RPH3A: variants seen among roughly 807,000 people sequenced by gnomAD.
RPH3A encodes the protein rabphilin-3A.
In RPH3A, 48 loss-of-function variants were observed where a neutral mutation model predicts 102.2. The ratio of observed to expected loss-of-function variants is 0.47; its 90% CI spans 0.37 to 0.60. The LOEUF is 0.60. RPH3A is among the 20% of genes least tolerant of loss of function. The pLI is 0.00. For missense variants in RPH3A, 781 were observed against 910.1 expected (o/e 0.86, Z 1.83); for synonymous variants, 310 against 324.3 (o/e 0.96, Z 0.47).
chr12:112,827,767 A>C (rs2041903628), intron 2 of RPH3A, among the ~76,000 whole-genome samples: 1 of 152,022 alleles, frequency 6.6e-6, no homozygotes, highest in Non-Finnish European at 1.5e-5. Flanking sequence ...GGGCCAGGGG[A>C]GGGAGAGCAT....
intron 1 of RPH3A, among the ~76,000 whole-genome samples, chr12:112,660,018 G>C (rs1476513154): frequency 6.6e-6 from 1 of 151,972 alleles, no homozygotes; most frequent in Non-Finnish European, 1.5e-5. Flanking sequence ...TCAATATTGG[G>C]GTATTGCTTT....
chr12:112,806,602 C>T (rs1325640642), intron 2 of RPH3A, among the ~76,000 whole-genome samples: 1 of 151,632 alleles, frequency 6.6e-6, no homozygotes, highest in African/African-American at 2.4e-5. Flanking sequence ...GCACTCCAGC[C>T]TGGGTGACAG....
intron 1 of RPH3A, among the ~76,000 whole-genome samples, chr12:112,755,966 G>T (rs1334524529): frequency 6.6e-6 from 1 of 152,088 alleles, no homozygotes; most frequent in East Asian, 1.9e-4. Flanking sequence ...GTGGTACATG[G>T]GGTAGAGAGT....
intron 1 of RPH3A, among the ~76,000 whole-genome samples, chr12:112,710,963 C>T (rs1035084396): frequency 1.3e-5 from 2 of 152,076 alleles, no homozygotes; most frequent in Non-Finnish European, 2.9e-5. Context: ...ATTCAGTAGG[C>T]ACTTCAGAGA....
intron 4 of RPH3A, among the ~76,000 whole-genome samples, chr12:112,839,350 C>T (rs112011699): frequency 5.9e-5 from 9 of 151,796 alleles, no homozygotes; most frequent in Non-Finnish European, 1.3e-4. Flanking sequence ...TATCAACTTT[C>T]GCTGTGTAAC....
intron 1 of RPH3A, among the ~76,000 whole-genome samples, chr12:112,769,181 A>G (rs2136071391): frequency 6.6e-6 from 1 of 152,294 alleles, no homozygotes; most frequent in East Asian, 1.9e-4. Flanking sequence ...ACTTTCTGAG[A>G]CTTTCAATCT....
At chr12:112,581,381 T>C (rs1349213095) in intron 1 of RPH3A, among the ~76,000 whole-genome samples, 1 of 152,196 alleles carries the variant, frequency 6.6e-6, no homozygotes, top group Non-Finnish European at 1.5e-5. Flanking sequence ...CCTGCCCCCA[T>C]GATTCAATTA....
intron 1 of RPH3A, among the ~76,000 whole-genome samples, chr12:112,762,108 A>G (rs1340588885): frequency 6.6e-6 from 1 of 152,216 alleles, no homozygotes; most frequent in Non-Finnish European, 1.5e-5. Context: ...TCTGTCATAA[A>G]TGTTCAATAA....
rs550442237 is a variant in RPH3A, at chr12:112,591,263, T to A, written c.-140+15944T>A. 5.4e-4 allele frequency among the ~76,000 whole-genome samples: 82 copies of A among 152,014 alleles called. No homozygotes were observed. In the South Asian group the frequency reaches 0.015, roughly 28 times the overall value. ...ACCACACCCAGATAATTAAAAAAAA[T>A]TTTTAGGAGATAGGATTTTACTATG... is the stretch of plus-strand genomic sequence containing the variant. On this transcript the variant is annotated intron_variant, in intron 1 of 21. Transcript: ENST00000543106.
chr12:112,817,829 G>T (rs996579075), intron 2 of RPH3A, among the ~76,000 whole-genome samples: 1 of 152,180 alleles, frequency 6.6e-6, no homozygotes, highest in African/African-American at 2.4e-5. Context: ...CTGAGGTAGA[G>T]GAGGGAAGGA....
chr12:112,837,364 A>G (rs2042070919), intron 4 of RPH3A, among the ~76,000 whole-genome samples: 1 of 152,200 alleles, frequency 6.6e-6, no homozygotes, highest in African/African-American at 2.4e-5. Flanking sequence ...AAGTTAGATG[A>G]AGGTGTGAAT....
chr12:112,655,695 C>T (rs754357723), intron 1 of RPH3A, among the ~76,000 whole-genome samples: 6 of 151,334 alleles, frequency 4.0e-5, no homozygotes, highest in Non-Finnish European at 5.9e-5. Flanking sequence ...CTCAGCCTCC[C>T]GATTAGCTGG....
At chr12:112,669,149 C>G (rs979579098) in intron 1 of RPH3A, among the ~76,000 whole-genome samples, 1 of 152,202 alleles carries the variant, frequency 6.6e-6, no homozygotes, top group African/African-American at 2.4e-5. Context: ...CCAGCCCAAA[C>G]TCCGTTTACC....
At chr12:112,805,966 A>T (rs1160390745) in intron 2 of RPH3A, among the ~76,000 whole-genome samples, 1 of 152,206 alleles carries the variant, frequency 6.6e-6, no homozygotes, top group Non-Finnish European at 1.5e-5. Context: ...TAAATAACCC[A>T]TTAGGGATGT....
At chr12:112,703,782 C>G (rs2040410013) in intron 1 of RPH3A, among the ~76,000 whole-genome samples, 1 of 152,152 alleles carries the variant, frequency 6.6e-6, no homozygotes, top group South Asian at 2.1e-4. Flanking sequence ...CTTTAAAAAC[C>G]CTAGCCCCAA....
intron 5 of RPH3A, among the ~76,000 whole-genome samples, chr12:112,855,315 TTAGCA>T (rs1323124431): frequency 6.6e-6 from 1 of 152,218 alleles, no homozygotes; most frequent in Non-Finnish European, 1.5e-5. Context: ...TATAGAGTAC[TTAGCA>T]TAGCACCTGG....
At chr12:112,645,851 C>T (rs904847115) in intron 1 of RPH3A, among the ~76,000 whole-genome samples, 8 of 152,098 alleles carry the variant, frequency 5.3e-5, no homozygotes, top group African/African-American at 7.2e-5. Context: ...AGCAGACAGC[C>T]GGTAGACAGC....
At chr12:112,621,766 A>G (rs1381591129) in intron 1 of RPH3A, among the ~76,000 whole-genome samples, 1 of 151,896 alleles carries the variant, frequency 6.6e-6, no homozygotes, top group Admixed American at 6.6e-5. Context: ...GGCACAGACA[A>G]ACAAAAAGAC....
At chr12:112,795,993 C>T (rs2041220876) in intron 2 of RPH3A, among the ~76,000 whole-genome samples, 1 of 152,162 alleles carries the variant, frequency 6.6e-6, no homozygotes, top group Admixed American at 6.5e-5. Context: ...GTATGACTCA[C>T]AAGAGGGAGG....
Sources: allele counts gnomAD v4.1 joint callset (sites outside exome capture counted in the v4.1 genomes callset), GRCh38; gene constraint gnomAD v4.1.1; transcripts MANE v1.5; gene names NCBI Gene and HGNC (gene_info 2026-07-23, HGNC 2026-07-21).